Variants in MTOR observed in about 807,000 individuals in gnomAD.
MTOR encodes the protein mechanistic target of rapamycin kinase.
A neutral mutation model predicts 319.8 loss-of-function variants in MTOR; 70 were observed. The observed-to-expected ratio is 0.22, with a 90% confidence interval of 0.18 to 0.27. MTOR has a LOEUF of 0.27. MTOR is among the 10% of genes least tolerant of loss of function. The pLI is 1.00. For missense variants in MTOR, 1,890 were observed against 3,274.4 expected (o/e 0.58, Z 10.32); for synonymous variants, 1,183 against 1,211.4 (o/e 0.98, Z 0.49).
In MTOR at chr1:11,128,576, T is replaced by G; in HGVS notation, c.5812-24A>C. ...ACCTGGTATTCAAAAAGACACAGTA[T>G]GTAGCATATGAGACTTGAAACAACT... On this transcript the variant is annotated intron_variant, in intron 41 of 57. Transcript: ENST00000361445. The surrounding 1 kb of genome is among the most constrained non-coding windows in gnomAD (Gnocchi z 5.3). 1 of 1,600,120 alleles carries G rather than the reference T, an allele frequency of 6.2e-7. No homozygotes were observed. The highest frequency in any genetic ancestry group is 1.3e-5 in the African/African-American group (1 of 74,770).
chr1:11,112,755 G>A (rs192861797), intron 54 of MTOR, 97 bp downstream of exon 54: 4 of 1,258,046 alleles, frequency 3.2e-6, no homozygotes, highest in Non-Finnish European at 3.5e-6. Context: ...CCTCTGTAAC[G>A]TCCTGCGGGA....
At chr1:11,256,906 G>T in intron 4 of MTOR, 27 bp downstream of exon 4, 1 of 1,602,660 alleles carries the variant, frequency 6.2e-7, no homozygotes, top group Non-Finnish European at 8.5e-7. Flanking sequence ...CCCAAGCCTG[G>T]CTGTGCTCCT....
rs1196695525 is a variant in MTOR at position 11,139,638 on chromosome 1, C to G, written c.4893G>C (p.Glu1631Asp). The G allele has an allele frequency of 6.2e-7, 1 of 1,614,176 alleles. No individual in the cohort carries two copies. Among genetic ancestry groups the G allele is most frequent in the Non-Finnish European group, 8.5e-7 (1 of 1,180,042 alleles). Residue 1631 changes from glutamate to aspartate, a missense_variant, in exon 35 of 58, where the codon GAG becomes GAC. Around this residue, in one of 15 missense-constraint regions of MTOR, gnomAD observed 276 missense variants for 459.4 expected, o/e 0.60. Transcript: ENST00000361445. Reference protein sequence around the residue: ...ERLQGCQRIVEDWQKILMVRS... With the variant: ...ERLQGCQRIVDDWQKILMVRS... ...GCACCATAAGGATTTTCTGCCAGTCCTCTACGATACGCTGGCAGCCCTGGA... is the reference window on the plus strand; with the variant it reads ...GCACCATAAGGATTTTCTGCCAGTCGTCTACGATACGCTGGCAGCCCTGGA...
chr1:11,166,216 C>A (rs1644639285), intron 29 of MTOR, among the ~76,000 whole-genome samples: 1 of 152,180 alleles, frequency 6.6e-6, no homozygotes, highest in African/African-American at 2.4e-5. Flanking sequence ...ACACCAAAAG[C>A]AATGGCAACA....
At chr1:11,186,105 A>G (rs1645311782) in intron 28 of MTOR, among the ~76,000 whole-genome samples, 1 of 151,102 alleles carries the variant, frequency 6.6e-6, no homozygotes, top group Admixed American at 6.6e-5. Flanking sequence ...AAAAAAAAAA[A>G]GGCAGATATT....
intron 29 of MTOR, among the ~76,000 whole-genome samples, chr1:11,164,613 A>G (rs1046494062): frequency 4.6e-5 from 7 of 152,190 alleles, no homozygotes; most frequent in African/African-American, 1.7e-4. Flanking sequence ...ATAGCCTACC[A>G]AACAAAAAAA....
At chr1:11,248,397 A>G (rs1358441948) in intron 6 of MTOR, among the ~76,000 whole-genome samples, 1 of 152,200 alleles carries the variant, frequency 6.6e-6, no homozygotes, top group African/African-American at 2.4e-5. Flanking sequence ...GCTGACTTGC[A>G]TACTGCTGTG....
intron 38 of MTOR, chr1:11,131,146 G>A (rs1643130655): frequency 7.8e-6 from 2 of 256,862 alleles, no homozygotes; most frequent in African/African-American, 4.5e-5. Flanking sequence ...GGAAAGCTTT[G>A]TCAAGAAGAG....
At chr1:11,261,003 G>C (rs1265179641) in intron 1 of MTOR, among the ~76,000 whole-genome samples, 1 of 151,468 alleles carries the variant, frequency 6.6e-6, no homozygotes, top group African/African-American at 2.4e-5. Context: ...TGTTGGCCAG[G>C]CTGGTCTCAA....
Position 11,234,233 on chromosome 1 carries a change from T to G in MTOR, c.2241A>C (p.Gly747=). 6.2e-7 allele frequency: 1 copy of G among 1,614,018 alleles called. No homozygotes were observed. Among genetic ancestry groups the G allele is most frequent in the East Asian group, 2.2e-5 (1 of 44,874 alleles). The change falls in exon 14 of 58, where the codon GGA becomes GGC. Residue 747 remains glycine (G), a synonymous_variant. Transcript: ENST00000361445. The part of the protein sequence containing the change: ...ILTELEHSGI[G]RIKEQSARML... ...TGCGGGCACTCTGCTCTTTGATTCTTCCAATCCCACTGTGCTCCAACTCTG... is the reference window on the plus strand; with the variant it reads ...TGCGGGCACTCTGCTCTTTGATTCTGCCAATCCCACTGTGCTCCAACTCTG...
At chr1:11,257,380 CAAAAAAA>C (rs1006118528) in intron 3 of MTOR, among the ~76,000 whole-genome samples, 12 of 36,788 alleles carry the variant, frequency 3.3e-4, no homozygotes, top group East Asian at 3.2e-3. Flanking sequence ...TACTAAGATA[CAAAAAAA>C]AAAAAAAAAA....
At chr1:11,134,073 G>A (rs1310656735) in intron 37 of MTOR, among the ~76,000 whole-genome samples, 1 of 151,802 alleles carries the variant, frequency 6.6e-6, no homozygotes, top group Non-Finnish European at 1.5e-5. Context: ...AAAAAAAAAA[G>A]GGAGGGGCAG....
intron 1 of MTOR, among the ~76,000 whole-genome samples, chr1:11,261,170 G>A (rs1380535948): frequency 6.6e-6 from 1 of 151,828 alleles, no homozygotes; most frequent in Non-Finnish European, 1.5e-5. Flanking sequence ...TTCTACAGGG[G>A]ACTAGCTCTT....
At chr1:11,188,403 A>G (rs1227031949) in intron 28 of MTOR, among the ~76,000 whole-genome samples, 1 of 152,242 alleles carries the variant, frequency 6.6e-6, no homozygotes, top group African/African-American at 2.4e-5. Flanking sequence ...AATAATTTCA[A>G]ATTGCAAACC....
chr1:11,240,152 G>A lies in MTOR; in HGVS notation c.1786+151C>T, dbSNP rs1001991219. The A allele has an allele frequency of 3.7e-6, 4 of 1,067,440 alleles. No homozygotes were observed. In the African/African-American group the frequency reaches 4.8e-5, roughly 13 times the overall value. 66.1% of individuals were successfully genotyped at this position (1,067,440 alleles called of 1,614,324 possible). On this transcript the variant is annotated intron_variant, in intron 11 of 57. Transcript: ENST00000361445. ...ACAAAAGTAGGAATTACCAATACGTGGAAAGAGTCTAGGAAGGATGAGCTG... is the reference window on the plus strand; with the variant it reads ...ACAAAAGTAGGAATTACCAATACGTAGAAAGAGTCTAGGAAGGATGAGCTG...
intron 29 of MTOR, among the ~76,000 whole-genome samples, chr1:11,162,942 T>C (rs1236301938): frequency 6.6e-5 from 10 of 152,160 alleles, no homozygotes; most frequent in East Asian, 1.9e-4. Flanking sequence ...CAATATTAAC[T>C]TTAAATGTAA....
intron 28 of MTOR, among the ~76,000 whole-genome samples, chr1:11,197,637 G>A (rs1645830707): frequency 6.6e-6 from 1 of 152,142 alleles, no homozygotes; most frequent in Non-Finnish European, 1.5e-5. Flanking sequence ...CACCTCCCAG[G>A]TTCAAGCAAT....
intron 28 of MTOR, among the ~76,000 whole-genome samples, chr1:11,191,979 C>A (rs908804662): frequency 6.6e-6 from 1 of 152,102 alleles, no homozygotes; most frequent in African/African-American, 2.4e-5. Flanking sequence ...AATTCATGGC[C>A]CAGCTATAGC....
intron 29 of MTOR, among the ~76,000 whole-genome samples, chr1:11,164,035 T>C (rs1463980396): frequency 6.6e-6 from 1 of 152,064 alleles, no homozygotes; most frequent in African/African-American, 2.4e-5. Context: ...GATAGACCAC[T>C]AGCAAGACTA....
Sources: gnomAD v4.1 joint callset for allele counts (sites outside exome capture counted in the v4.1 genomes callset) on GRCh38, gnomAD v4.1.1 for gene constraint, gnomAD v4.1.1 regional missense constraint, Gnocchi (gnomAD v3.1) non-coding constraint, MANE v1.5 for transcripts, NCBI Gene and HGNC (gene_info 2026-07-23, HGNC 2026-07-21) for gene names.